The following ARHGAP10 variants were observed in gnomAD, a reference collection of about 807,000 sequenced individuals.
ARHGAP10 encodes Rho GTPase activating protein 10.
ARHGAP10 carries 87 observed loss-of-function variants against 108.6 expected under a neutral mutation model. The observed-to-expected ratio is 0.80, with a 90% CI of 0.67 to 0.96. ARHGAP10 has a LOEUF of 0.96. Ranked by LOEUF, ARHGAP10 falls within the 40% of genes least tolerant of loss-of-function variation. The pLI, the probability that ARHGAP10 is intolerant of heterozygous loss-of-function variation, is 0.00. For synonymous variants in ARHGAP10, 347 were observed against 341.1 expected, an observed-to-expected ratio of 1.02 and a Z score of -0.19; for missense variants, 939 against 954.5, an observed-to-expected ratio of 0.98 and a Z score of 0.21.
In ARHGAP10 at chr4:147,906,681, A is replaced by G. The variant is rs2126909952; in HGVS notation, c.1078A>G (p.Arg360Gly). 1 of 1,614,206 alleles carries G rather than the reference A, an allele frequency of 6.2e-7. No individual in the cohort carries two copies. The highest frequency in any genetic ancestry group is 1.1e-5 in the South Asian group (1 of 91,082). ...LTMQAFSEEE[R>G]KQWLEALGGK... is the part of the protein sequence containing the mutation. Reference sequence around the variant, plus strand: ...CATGCAGGCATTTTCCGAAGAGGAAAGGAAGCAGTGGTTGGAAGCTCTGGG... The same window carrying G: ...CATGCAGGCATTTTCCGAAGAGGAAGGGAAGCAGTGGTTGGAAGCTCTGGG... The change falls in exon 11 of 23, where the codon AGG becomes GGG. Residue 360 changes from arginine to glycine, a missense_variant. By Grantham distance (125) the Arg-to-Gly change is moderately radical. Transcript: ENST00000336498.
chr4:147,854,666 A>T (rs1471674485), intron 4 of ARHGAP10: 1 of 975,952 alleles, frequency 1.0e-6, no homozygotes, highest in Non-Finnish European at 1.2e-6. Flanking sequence ...TGAAATTTGT[A>T]TCATTTCAGC....
intron 13 of ARHGAP10, among the ~76,000 whole-genome samples, chr4:147,937,034 TAAATG>T (rs976447941): frequency 7.9e-4 from 121 of 152,324 alleles, no homozygotes; most frequent in African/African-American, 2.9e-3. Context: ...AATCTAATAA[TAAATG>T]TAATGCTCTT....
At chr4:147,795,317 A>G (rs1236296633) in intron 1 of ARHGAP10, among the ~76,000 whole-genome samples, 1 of 152,152 alleles carries the variant, frequency 6.6e-6, no homozygotes, top group Admixed American at 6.5e-5. Flanking sequence ...TAGTGTGTTT[A>G]CTTTTTTACC....
intron 9 of ARHGAP10, 129 bp downstream of exon 9, chr4:147,879,467 C>G: frequency 3.8e-6 from 3 of 793,192 alleles, no homozygotes; most frequent in African/African-American, 1.8e-5. Context: ...GTATTAAAAT[C>G]TTTGTTTTGT....
intron 3 of ARHGAP10, among the ~76,000 whole-genome samples, chr4:147,824,797 A>T (rs1419943603): frequency 6.6e-6 from 1 of 152,172 alleles, no homozygotes; most frequent in Non-Finnish European, 1.5e-5. Flanking sequence ...TGTGGGGATT[A>T]TGGAGTTTAC....
intron 13 of ARHGAP10, among the ~76,000 whole-genome samples, chr4:147,927,518 C>G (rs377072076): frequency 2.0e-5 from 3 of 152,330 alleles, no homozygotes; most frequent in South Asian, 4.1e-4. Context: ...CTCTCTCACA[C>G]AGTCTCCATA....
At chr4:147,920,202 A>AG (rs1737178266) in intron 13 of ARHGAP10, among the ~76,000 whole-genome samples, 1 of 151,672 alleles carries the variant, frequency 6.6e-6, no homozygotes, top group South Asian at 2.1e-4. Flanking sequence ...GGATCACCTG[A>AG]GGTCAGGAGT....
rs773264728 is a variant in ARHGAP10, at chr4:147,857,600, A to G, written c.432A>G (p.Leu144=). 1.3e-6 allele frequency: 2 copies of G among 1,488,394 alleles called. No individual in the cohort carries two copies. Among genetic ancestry groups the G allele is most frequent in the Non-Finnish European group, 1.8e-6 (2 of 1,121,436 alleles). The allele number at this position is 1,488,394 out of a possible 1,614,324, so 92.2% of individuals were successfully genotyped here. ...FDKETEKNYS[L]IDKHLNLSAK... ...AAGAGACAGAAAAGAATTATAGTCT[A>G]ATTGATAAACATTTGAATTTATCAG... The change falls in exon 5 of 23, where the codon CTA becomes CTG. Residue 144 remains leucine (L), a synonymous_variant. Transcript: ENST00000336498.
At chr4:147,985,983 G>T (rs1740030648) in intron 18 of ARHGAP10, among the ~76,000 whole-genome samples, 1 of 152,166 alleles carries the variant, frequency 6.6e-6, no homozygotes, top group Non-Finnish European at 1.5e-5. Context: ...GGAGTCTGGG[G>T]TGTCCTTTGC....
At chr4:147,743,143 C>T (rs1261914277) in intron 1 of ARHGAP10, among the ~76,000 whole-genome samples, 1 of 151,604 alleles carries the variant, frequency 6.6e-6, no homozygotes, top group East Asian at 2.0e-4. Context: ...AAGCGATTCT[C>T]CTGCCTCAAC....
At chr4:147,931,367 T>A (rs1737674131) in intron 13 of ARHGAP10, among the ~76,000 whole-genome samples, 1 of 152,270 alleles carries the variant, frequency 6.6e-6, no homozygotes, top group South Asian at 2.1e-4. Context: ...TACAAATTTT[T>A]GTTAAAAGTT....
At chr4:148,013,612 C>T (rs961962544) in intron 18 of ARHGAP10, among the ~76,000 whole-genome samples, 20 of 152,046 alleles carry the variant, frequency 1.3e-4, no homozygotes, top group African/African-American at 2.2e-4. Context: ...GGCGTGAACC[C>T]GGGAGACGGA....
chr4:147,894,248 G>C (rs1735903099), intron 10 of ARHGAP10, among the ~76,000 whole-genome samples: 1 of 152,120 alleles, frequency 6.6e-6, no homozygotes, highest in Non-Finnish European at 1.5e-5. Flanking sequence ...AGTTCTATTT[G>C]CTCCACTTCC....
At chr4:147,785,793 A>C (rs2126739675) in intron 1 of ARHGAP10, among the ~76,000 whole-genome samples, 1 of 152,270 alleles carries the variant, frequency 6.6e-6, no homozygotes, top group East Asian at 1.9e-4. Context: ...TTGTACTCTG[A>C]GATTTTAATA....
At chr4:147,779,407 A>T (rs1384211463) in intron 1 of ARHGAP10, among the ~76,000 whole-genome samples, 1 of 152,134 alleles carries the variant, frequency 6.6e-6, no homozygotes, top group Non-Finnish European at 1.5e-5. Context: ...CCATTGACAA[A>T]TTTTGATCAG....
intron 13 of ARHGAP10, among the ~76,000 whole-genome samples, chr4:147,937,255 T>G (rs1737990157): frequency 6.6e-6 from 1 of 152,210 alleles, no homozygotes; most frequent in South Asian, 2.1e-4. Flanking sequence ...GGCATGGGGA[T>G]AGCTGTCTTC....
chr4:147,738,705 G>T (rs1405913514), intron 1 of ARHGAP10, among the ~76,000 whole-genome samples: 1 of 152,128 alleles, frequency 6.6e-6, no homozygotes, highest in Non-Finnish European at 1.5e-5. Context: ...TCAAGGCCCT[G>T]TTCTTGCCTC....
chr4:147,831,683 A>G (rs1206801909), intron 3 of ARHGAP10, among the ~76,000 whole-genome samples: 1 of 152,124 alleles, frequency 6.6e-6, no homozygotes, highest in Non-Finnish European at 1.5e-5. Flanking sequence ...TTTTCTTACA[A>G]TTCTCTTTTT....
chr4:147,975,967 A>T (rs1328728782), intron 18 of ARHGAP10, among the ~76,000 whole-genome samples: 1 of 152,192 alleles, frequency 6.6e-6, no homozygotes, highest in Non-Finnish European at 1.5e-5. Context: ...TCCTAGGTTC[A>T]TTGGTGTAAT....
Sources: allele counts gnomAD v4.1 joint callset (sites outside exome capture counted in the v4.1 genomes callset), GRCh38; gene constraint gnomAD v4.1.1; transcripts MANE v1.5; gene names NCBI Gene and HGNC (gene_info 2026-07-23, HGNC 2026-07-21).